CTNNA2: variants seen among roughly 807,000 people sequenced by gnomAD.
CTNNA2 encodes catenin alpha 2, also known as catenin alpha-2.
In CTNNA2, 42 loss-of-function variants were observed where a neutral mutation model predicts 101.0. The observed-to-expected ratio is 0.42, with a 90% CI of 0.32 to 0.54. The LOEUF is 0.54. Ranked by LOEUF, CTNNA2 falls within the 20% of genes least tolerant of loss-of-function variation. The pLI, the probability that CTNNA2 is intolerant of heterozygous loss-of-function variation, is 0.14. For missense variants in CTNNA2, 871 were observed against 1,223.1 expected (o/e 0.71, Z 4.29); for synonymous variants, 450 against 456.4 (o/e 0.99, Z 0.18).
chr2:79,271,098 G>A (rs1228241553), intron 2 of CTNNA2, among the ~76,000 whole-genome samples: 1 of 152,116 alleles, frequency 6.6e-6, no homozygotes. Context: ...ACATGAAAGT[G>A]AGAGAGATGA....
intron 7 of CTNNA2, among the ~76,000 whole-genome samples, chr2:79,947,495 CTT>C (rs1574382059): frequency 1.3e-5 from 2 of 152,100 alleles, no homozygotes; most frequent in East Asian, 3.9e-4. Flanking sequence ...AATAGCCTTT[CTT>C]ATAAAGTAGT....
intron 1 of CTNNA2, among the ~76,000 whole-genome samples, chr2:79,526,103 A>G (rs1672390275): frequency 1.3e-5 from 2 of 152,052 alleles, no homozygotes; most frequent in South Asian, 4.1e-4. Flanking sequence ...GCAAGTTAAT[A>G]CCATATGAAA....
intron 7 of CTNNA2, among the ~76,000 whole-genome samples, chr2:80,031,632 T>C (rs1695296166): frequency 6.6e-6 from 1 of 152,232 alleles, no homozygotes; most frequent in African/African-American, 2.4e-5. Flanking sequence ...GGCCAAACTA[T>C]ATCAGGGTGA....
intron 7 of CTNNA2, among the ~76,000 whole-genome samples, chr2:80,129,176 GT>G (rs1434094881): frequency 6.6e-6 from 1 of 152,186 alleles, no homozygotes; most frequent in African/African-American, 2.4e-5. Flanking sequence ...CCTAACATCT[GT>G]GGATGGACAG....
intron 4 of CTNNA2, chr2:79,498,220 A>T (rs181630556): frequency 6.6e-6 from 1 of 152,276 alleles, no homozygotes; most frequent in Non-Finnish European, 1.5e-5. Flanking sequence ...GGTAGGATGG[A>T]TCTCTGTCTA....
At chr2:80,079,823 TAAAATAAATAAAATAAAATAAAATA>T (rs1460077743) in intron 7 of CTNNA2, among the ~76,000 whole-genome samples, 10 of 84,980 alleles carry the variant, frequency 1.2e-4, no homozygotes, top group African/African-American at 4.4e-4. Context: ...AAAAATAAAA[TAAAATAAATAAAATAAAATAAAATA>T]AAATAAAATA....
chr2:79,369,163 G>A (rs1001728517), intron 3 of CTNNA2, among the ~76,000 whole-genome samples: 1 of 152,148 alleles, frequency 6.6e-6, no homozygotes, highest in African/African-American at 2.4e-5. Context: ...AAGGTAGAAT[G>A]TGAGAGGCCC....
intron 1 of CTNNA2, among the ~76,000 whole-genome samples, chr2:79,632,489 T>C (rs2104366828): frequency 6.6e-6 from 1 of 152,324 alleles, no homozygotes; most frequent in Non-Finnish European, 1.5e-5. Flanking sequence ...GTGCGATGCT[T>C]CTAGATTGCC....
At chr2:80,217,335 A>G (rs1166589728) in intron 7 of CTNNA2, among the ~76,000 whole-genome samples, 1 of 151,330 alleles carries the variant, frequency 6.6e-6, no homozygotes, top group Non-Finnish European at 1.5e-5. Flanking sequence ...TTCATCAGGA[A>G]CCCAGTGTCT....
At chr2:80,426,223 G>T (rs982843863) in intron 9 of CTNNA2, among the ~76,000 whole-genome samples, 1 of 152,182 alleles carries the variant, frequency 6.6e-6, no homozygotes, top group African/African-American at 2.4e-5. Context: ...GCCTTCTGGA[G>T]AAATGGAATA....
At chr2:79,433,284 C>T (rs1678675984) in intron 4 of CTNNA2, among the ~76,000 whole-genome samples, 1 of 152,124 alleles carries the variant, frequency 6.6e-6, no homozygotes, top group African/African-American at 2.4e-5. Context: ...AGGGACAAGT[C>T]AGAAACAAAC....
intron 6 of CTNNA2, 25 bp downstream of exon 6, chr2:79,874,367 G>A (rs989700144): frequency 1.2e-6 from 2 of 1,608,358 alleles, no homozygotes; most frequent in Non-Finnish European, 1.7e-6. Context: ...GAGGTACACA[G>A]AGGGGTGGGC....
chr2:79,459,280 GA>G (rs1283874090), intron 4 of CTNNA2, among the ~76,000 whole-genome samples: 1 of 151,990 alleles, frequency 6.6e-6, no homozygotes, highest in African/African-American at 2.4e-5. Flanking sequence ...ATAGTTCTAG[GA>G]ACAGAAAATA....
chr2:80,457,011 A>G (rs900428365), intron 9 of CTNNA2, among the ~76,000 whole-genome samples: 3 of 152,210 alleles, frequency 2.0e-5, no homozygotes, highest in Admixed American at 2.0e-4. Context: ...ACACGAAAGA[A>G]TGATAACTGT....
chr2:79,275,849 C>T (rs1675198181), intron 2 of CTNNA2, among the ~76,000 whole-genome samples: 2 of 151,710 alleles, frequency 1.3e-5, no homozygotes, highest in African/African-American at 4.8e-5. Flanking sequence ...AATTTATATT[C>T]AGAGGGGAGG....
intron 4 of CTNNA2, among the ~76,000 whole-genome samples, chr2:79,389,092 C>A (rs974109886): frequency 6.6e-6 from 1 of 152,134 alleles, no homozygotes; most frequent in Non-Finnish European, 1.5e-5. Context: ...TCATTAACAC[C>A]ATTATCTTTT....
At chr2:79,340,879 T>A in intron 3 of CTNNA2, among the ~76,000 whole-genome samples, 7 of 109,940 alleles carry the variant, frequency 6.4e-5, no homozygotes, top group East Asian at 2.6e-4. Context: ...AACACATGAG[T>A]ACAGAATCTA....
At chr2:79,935,741 G>A (rs1195331196) in intron 7 of CTNNA2, among the ~76,000 whole-genome samples, 3 of 152,190 alleles carry the variant, frequency 2.0e-5, no homozygotes, top group Non-Finnish European at 4.4e-5. Flanking sequence ...AAAACGTTTT[G>A]GGGTTTGCTG....
At chr2:79,635,055 C>T (rs561958676) in intron 1 of CTNNA2, among the ~76,000 whole-genome samples, 2 of 152,160 alleles carry the variant, frequency 1.3e-5, no homozygotes, top group East Asian at 1.9e-4. Flanking sequence ...AGATTGAAGG[C>T]AACATGACCA....
Sources: allele counts gnomAD v4.1 joint callset (sites outside exome capture counted in the v4.1 genomes callset), GRCh38; gene constraint gnomAD v4.1.1; transcripts MANE v1.5; gene names NCBI Gene and HGNC (gene_info 2026-07-23, HGNC 2026-07-21).